The following FHIT variants were observed in gnomAD, a reference collection of about 807,000 sequenced individuals.
FHIT encodes bis(5'-adenosyl)-triphosphatase.
Under a neutral mutation model 17.9 loss-of-function variants are expected in FHIT, and 19 were observed. The ratio of observed to expected loss-of-function variants is 1.06; its 90% CI spans 0.74 to 1.56. The LOEUF is 1.56. Ranked by LOEUF, FHIT falls within the 40% of genes most tolerant of loss-of-function variation. The probability of loss-of-function intolerance (pLI) is 0.00; values close to 1 mark genes in which losing one functional copy is unlikely to be tolerated. For missense variants in FHIT, 248 were observed against 189.2 expected (o/e 1.31, Z -1.82); for synonymous variants, 81 against 69.7 (o/e 1.16, Z -0.81).
At chr3:60,285,403 AAG>A (rs1488305248) in intron 5 of FHIT, among the ~76,000 whole-genome samples, 1 of 152,164 alleles carries the variant, frequency 6.6e-6, no homozygotes, top group Admixed American at 6.5e-5. Context: ...GTACATTTTT[AAG>A]TTATACTATA....
intron 3 of FHIT, among the ~76,000 whole-genome samples, chr3:60,942,187 T>A (rs1242763591): frequency 6.6e-6 from 1 of 152,248 alleles, no homozygotes; most frequent in Non-Finnish European, 1.5e-5. Context: ...TTTCACCATG[T>A]TGGCCAGGCT....
chr3:60,628,538 C>A (rs2039354653), intron 4 of FHIT, among the ~76,000 whole-genome samples: 1 of 152,176 alleles, frequency 6.6e-6, no homozygotes, highest in Non-Finnish European at 1.5e-5. Context: ...GCATAAATTT[C>A]TCCACAGTCT....
chr3:60,728,516 C>T (rs976237252), intron 4 of FHIT, among the ~76,000 whole-genome samples: 1 of 152,090 alleles, frequency 6.6e-6, no homozygotes, highest in Non-Finnish European at 1.5e-5. Context: ...AAATTTTCTA[C>T]TACCCTCTTT....
At chr3:60,113,509 T>C (rs1250793438) in intron 5 of FHIT, among the ~76,000 whole-genome samples, 2 of 151,836 alleles carry the variant, frequency 1.3e-5, no homozygotes, top group Non-Finnish European at 2.9e-5. Flanking sequence ...TATGCGCCAG[T>C]CACTGTACCC....
intron 5 of FHIT, among the ~76,000 whole-genome samples, chr3:60,273,985 T>C (rs139470709): frequency 4.9e-4 from 74 of 152,316 alleles, no homozygotes; most frequent in Middle Eastern, 3.4e-3. Context: ...ACGAAGACAA[T>C]TGAAAGAACA....
intron 5 of FHIT, among the ~76,000 whole-genome samples, chr3:60,065,951 A>G (rs1485395002): frequency 6.6e-6 from 1 of 152,212 alleles, no homozygotes; most frequent in Non-Finnish European, 1.5e-5. Context: ...TCTTGCAAAT[A>G]GGCAGATTAA....
chr3:60,180,163 T>C lies in FHIT; in HGVS notation c.104-166011A>G, dbSNP rs555416350. ...ACTTGACAAAAAGCACACAAGCTCG[T>C]CAATGGAAAATTTATGAGATAATGC... On this transcript the variant is annotated intron_variant, in intron 5 of 9. Coordinates refer to ENST00000492590, the MANE Select transcript of FHIT (RefSeq NM_002012.4). Among the ~76,000 whole-genome samples, 26 of 152,250 alleles carry C rather than the reference T, an allele frequency of 1.7e-4. No individual in the cohort carries two copies. The East Asian group carries it at 4.8e-3, about 28-fold the overall frequency.
At chr3:60,162,558 T>TATA (rs1173285445) in intron 5 of FHIT, among the ~76,000 whole-genome samples, 4 of 152,198 alleles carry the variant, frequency 2.6e-5, no homozygotes, top group African/African-American at 9.7e-5. Flanking sequence ...TAGTGCTATT[T>TATA]GTTAAATATT....
chr3:59,891,043 C>T (rs1028955091), intron 8 of FHIT, among the ~76,000 whole-genome samples: 5 of 152,132 alleles, frequency 3.3e-5, no homozygotes, highest in Non-Finnish European at 5.9e-5. Flanking sequence ...ATTTATGCAA[C>T]GTAAGGTCAG....
chr3:60,969,831 G>A (rs1709919854), intron 3 of FHIT, among the ~76,000 whole-genome samples: 1 of 152,092 alleles, frequency 6.6e-6, no homozygotes, highest in East Asian at 1.9e-4. Flanking sequence ...TTTGTTACAA[G>A]TGGTGTTTGA....
chr3:59,988,592 T>C lies in FHIT; in HGVS notation c.279+22779A>G, dbSNP rs114819284. ...GTGTATCTGGCGCTCCTCTAAGCAG[T>C]GGGGATACACATGTCCCCTGTTCTC... On this transcript the variant is annotated intron_variant, in intron 7 of 9. Transcript: ENST00000492590. Among the ~76,000 whole-genome samples, 1,070 of 152,210 alleles carry C rather than the reference T, an allele frequency of 7.0e-3. 5 individuals are homozygous for C. The highest frequency in any genetic ancestry group is 0.01 in the Non-Finnish European group (704 of 68,002).
intron 3 of FHIT, among the ~76,000 whole-genome samples, chr3:60,877,956 C>A (rs543163362): frequency 4.6e-5 from 7 of 152,082 alleles, no homozygotes; most frequent in Non-Finnish European, 1.0e-4. Flanking sequence ...ATATGCCCCA[C>A]CATTCCAAGG....
rs544427605 is a variant in FHIT at position 61,189,085 on chromosome 3, C to T, written c.-164+11532G>A. On this transcript the variant is annotated intron_variant, in intron 2 of 9. Coordinates refer to ENST00000492590, the MANE Select transcript of FHIT (RefSeq NM_002012.4). Reference sequence around the variant, plus strand: ...ACAGTGTTGGAATTTCTGGCCAGGGCGATCAGGCAGGAGAAGGAAATAAAG... The same window carrying T: ...ACAGTGTTGGAATTTCTGGCCAGGGTGATCAGGCAGGAGAAGGAAATAAAG... 3.7e-4 allele frequency among the ~76,000 whole-genome samples: 56 copies of T among 152,046 alleles called. No homozygotes were observed. The South Asian group carries it at 8.8e-3, about 24-fold the overall frequency.
At chr3:60,151,555 G>C (rs935539021) in intron 5 of FHIT, among the ~76,000 whole-genome samples, 2 of 152,124 alleles carry the variant, frequency 1.3e-5, no homozygotes, top group Non-Finnish European at 2.9e-5. Context: ...TCTGTACCGT[G>C]ACTTACAAGG....
chr3:59,974,818 A>C (rs1559512008), intron 7 of FHIT, among the ~76,000 whole-genome samples: 1 of 152,086 alleles, frequency 6.6e-6, no homozygotes, highest in East Asian at 1.9e-4. Flanking sequence ...AGATATGGAA[A>C]TTGAGTCTAT....
At chr3:60,852,449 TAAACCCAAATAA>T (rs1553748715) in intron 3 of FHIT, among the ~76,000 whole-genome samples, 1 of 152,018 alleles carries the variant, frequency 6.6e-6, no homozygotes, top group Non-Finnish European at 1.5e-5. Context: ...ATACAAATAT[TAAACCCAAATAA>T]AAACCCAAAT....
chr3:59,956,549 T>G (rs1263237801), intron 7 of FHIT, among the ~76,000 whole-genome samples: 1 of 151,988 alleles, frequency 6.6e-6, no homozygotes, highest in Non-Finnish European at 1.5e-5. Context: ...GCATCTATAG[T>G]CCCAGCTACT....
chr3:60,938,969 C>T lies in FHIT; in HGVS notation c.-111+103078G>A, dbSNP rs571422058. 1.1e-4 allele frequency among the ~76,000 whole-genome samples: 16 copies of T among 152,170 alleles called. No individual in the cohort carries two copies. The South Asian group carries it at 2.5e-3, about 24-fold the overall frequency. Reference sequence around the variant, plus strand: ...AGGGTAAAAGTTATTCTATTTCTTCCGCCCAGAAAACTATAGGTGGATAAT... The same window carrying T: ...AGGGTAAAAGTTATTCTATTTCTTCTGCCCAGAAAACTATAGGTGGATAAT... On this transcript the variant is annotated intron_variant, in intron 3 of 9. Transcript: ENST00000492590.
chr3:60,425,657 A>T (rs180973223), intron 5 of FHIT, among the ~76,000 whole-genome samples: 1 of 152,278 alleles, frequency 6.6e-6, no homozygotes, highest in East Asian at 1.9e-4. Context: ...TTAAAAGTGA[A>T]AAATTTTATA....
Sources: gnomAD v4.1 joint callset for allele counts (sites outside exome capture counted in the v4.1 genomes callset) on GRCh38, gnomAD v4.1.1 for gene constraint, MANE v1.5 for transcripts, NCBI Gene and HGNC (gene_info 2026-07-23, HGNC 2026-07-21) for gene names.